SYCP2L: variants seen among roughly 807,000 people sequenced by gnomAD.
SYCP2L encodes synaptonemal complex protein 2-like.
A neutral mutation model predicts 125.8 loss-of-function variants in SYCP2L; 98 were observed. That is an observed-to-expected ratio of 0.78 (90% CI 0.66 to 0.92). The LOEUF is 0.92. Ranked by LOEUF, SYCP2L falls within the 40% of genes least tolerant of loss-of-function variation. The probability of loss-of-function intolerance (pLI) is 0.00; values close to 1 mark genes in which losing one functional copy is unlikely to be tolerated. For missense variants in SYCP2L, 842 were observed against 936.4 expected (o/e 0.90, Z 1.32); for synonymous variants, 317 against 325.4 (o/e 0.97, Z 0.28).
chr6:10,928,960 T>C (rs1416730899), intron 18 of SYCP2L, among the ~76,000 whole-genome samples: 2 of 152,000 alleles, frequency 1.3e-5, no homozygotes, highest in Non-Finnish European at 2.9e-5. Flanking sequence ...GGCACAATCT[T>C]GGCTCACTGC....
chr6:10,923,695 T>C (rs1780844786), intron 14 of SYCP2L, among the ~76,000 whole-genome samples: 1 of 145,698 alleles, frequency 6.9e-6, no homozygotes, highest in Non-Finnish European at 1.5e-5. Flanking sequence ...TTTTTTTTTT[T>C]TTTCTTGAGA....
intron 23 of SYCP2L, 97 bp downstream of exon 23, chr6:10,942,843 C>T (rs928860893): frequency 3.6e-6 from 4 of 1,096,424 alleles, no homozygotes; most frequent in Non-Finnish European, 5.2e-6. Context: ...CAGATCAAGT[C>T]ACTTTGCACA....
At chr6:10,897,958 T>C (rs1286307725) in intron 4 of SYCP2L, 53 bp from the exon 5 acceptor site, 3 of 1,142,824 alleles carry the variant, frequency 2.6e-6, no homozygotes, top group Non-Finnish European at 4.0e-6. Context: ...TGCAATTTTA[T>C]TGAATAGGCA....
At chr6:10,968,054 T>C (rs1425600195) in intron 29 of SYCP2L, among the ~76,000 whole-genome samples, 1 of 152,138 alleles carries the variant, frequency 6.6e-6, no homozygotes, top group Non-Finnish European at 1.5e-5. Context: ...TAGAAGCCAG[T>C]TCCTTCGATG....
chr6:10,939,506 T>C (rs1273020992), intron 21 of SYCP2L, among the ~76,000 whole-genome samples: 4 of 152,204 alleles, frequency 2.6e-5, no homozygotes, highest in Non-Finnish European at 5.9e-5. Context: ...CAAAACAGTA[T>C]AGTACTGCCA....
At chr6:10,887,998 T>C (rs1250537437) in intron 1 of SYCP2L, among the ~76,000 whole-genome samples, 3 of 149,220 alleles carry the variant, frequency 2.0e-5, no homozygotes, top group Non-Finnish European at 4.5e-5. Flanking sequence ...CCAGGCACTA[T>C]GCTAAGAACA....
intron 29 of SYCP2L, among the ~76,000 whole-genome samples, chr6:10,969,070 C>G (rs1350019348): frequency 1.3e-5 from 2 of 152,186 alleles, no homozygotes. Flanking sequence ...TTTGTTCATT[C>G]TCACAGCATT....
intron 1 of SYCP2L, among the ~76,000 whole-genome samples, chr6:10,889,133 T>G (rs997254227): frequency 2.0e-5 from 3 of 152,236 alleles, no homozygotes; most frequent in Non-Finnish European, 4.4e-5. Flanking sequence ...GTGCTGGGAT[T>G]ACAGGCGTGA....
rs1343772135 is a variant in SYCP2L, at chr6:10,930,441, C to A, written c.1560C>A (p.Thr520=). Residue 520 remains threonine (T), a synonymous_variant, in exon 19 of 30, where the codon ACC becomes ACA. Coordinates refer to ENST00000283141, the MANE Select transcript of SYCP2L (RefSeq NM_001040274.3). ...CAAGTACCAGTGAACTATCTTGGAC[C>A]AGTAACCAGAAAAAGAAATCCCTAA... ...QDSSTSELSW[T]SNQKKKSLKS... The A allele has an allele frequency of 6.2e-7, 1 of 1,613,568 alleles. No individual in the cohort carries two copies. The highest frequency in any genetic ancestry group is 8.5e-7 in the Non-Finnish European group (1 of 1,179,738).
At chr6:10,891,681 A>C (rs910267232) in intron 2 of SYCP2L, 100 bp downstream of exon 2, 5 of 759,002 alleles carry the variant, frequency 6.6e-6, no homozygotes, top group Non-Finnish European at 9.9e-6. Context: ...ATATGAGTGT[A>C]TGTATTCTTT....
chr6:10,933,433 A>G (rs1028480862), intron 20 of SYCP2L, among the ~76,000 whole-genome samples: 2 of 152,216 alleles, frequency 1.3e-5, no homozygotes, highest in Admixed American at 6.5e-5. Context: ...ACTAGTGGCC[A>G]TCACAATGAC....
At chr6:10,967,454 GGTGTGTGTGTGTGTGT>G (rs3066151) in intron 29 of SYCP2L, among the ~76,000 whole-genome samples, 6 of 138,836 alleles carry the variant, frequency 4.3e-5, no homozygotes, top group Non-Finnish European at 7.8e-5. Context: ...TGGGGTAGAG[GGTGTGTGTGTGTGTGT>G]GTGTGTGTGT....
chr6:10,958,901 T>C (rs1781549294), intron 26 of SYCP2L, 26 bp downstream of exon 26: 2 of 1,602,722 alleles, frequency 1.2e-6, no homozygotes, highest in Admixed American at 3.3e-5. Flanking sequence ...CAAAACAAGG[T>C]CGTGGAAGTG....
chr6:10,906,026 C>T lies in SYCP2L; in HGVS notation c.648C>T (p.Asp216=), dbSNP rs1681959463. 6.3e-7 allele frequency: 1 copy of T among 1,599,322 alleles called. No individual in the cohort carries two copies. Among genetic ancestry groups the T allele is most frequent in the Non-Finnish European group, 8.6e-7 (1 of 1,168,856 alleles). The change falls in exon 9 of 30, where the codon GAC becomes GAT. Residue 216 remains aspartate (D), a synonymous_variant. Transcript: ENST00000283141. ...ATTTATCTAAATGTTTCAGGAAAGA[C>T]CTTGCAAGGACACTCTTGACTGTGG... ...LSEGMCHLMK[D]LARTLLTVGD... is the part of the protein sequence containing the mutation.
chr6:10,936,605 A>G (rs1179855887), intron 21 of SYCP2L, among the ~76,000 whole-genome samples: 1 of 152,240 alleles, frequency 6.6e-6, no homozygotes, highest in Non-Finnish European at 1.5e-5. Context: ...ACCTATCAAT[A>G]ATTACTTTAA....
intron 21 of SYCP2L, among the ~76,000 whole-genome samples, chr6:10,937,420 A>G (rs75264343): frequency 0.044 from 6,715 of 152,288 alleles, 332 homozygotes; most frequent in East Asian, 0.22. Flanking sequence ...CAAAATTTAC[A>G]GGATGCAGCA....
intron 2 of SYCP2L, among the ~76,000 whole-genome samples, chr6:10,892,065 C>T (rs1485109703): frequency 6.6e-6 from 1 of 152,166 alleles, no homozygotes; most frequent in African/African-American, 2.4e-5. Flanking sequence ...GGAAGATCTA[C>T]CTGAAAAAGT....
At chr6:10,961,078 CAAAAA>C (rs112283703) in intron 26 of SYCP2L, among the ~76,000 whole-genome samples, 1 of 117,690 alleles carries the variant, frequency 8.5e-6, no homozygotes. Flanking sequence ...AACTCCATCT[CAAAAA>C]AAAAAAAAAA....
intron 7 of SYCP2L, 54 bp from the exon 8 acceptor site, chr6:10,902,821 A>G: frequency 3.1e-6 from 5 of 1,610,148 alleles, no homozygotes; most frequent in Non-Finnish European, 4.2e-6. Flanking sequence ...AGAAGATCGT[A>G]CATAGGTCTC....
Sources: gnomAD v4.1 joint callset for allele counts (sites outside exome capture counted in the v4.1 genomes callset) on GRCh38, gnomAD v4.1.1 for gene constraint, MANE v1.5 for transcripts, NCBI Gene and HGNC (gene_info 2026-07-23, HGNC 2026-07-21) for gene names.